Variants in PDE10A observed in about 807,000 individuals in gnomAD.
PDE10A encodes cAMP and cAMP-inhibited cGMP 3',5'-cyclic phosphodiesterase 10A.
In PDE10A, 39 loss-of-function variants were observed where a neutral mutation model predicts 97.7. That is an observed-to-expected ratio of 0.40 (90% confidence interval 0.31 to 0.52). PDE10A has a LOEUF of 0.52. Ranked by LOEUF, PDE10A falls within the 20% of genes least tolerant of loss-of-function variation. The probability of loss-of-function intolerance (pLI) is 0.56; values close to 1 mark genes in which losing one functional copy is unlikely to be tolerated. For synonymous variants in PDE10A, 371 were observed against 376.8 expected (o/e 0.98, Z 0.18); for missense variants, 731 against 1,047.8 (o/e 0.70, Z 4.17).
intron 1 of PDE10A, among the ~76,000 whole-genome samples, chr6:165,970,101 C>T (rs1279985999): frequency 1.3e-5 from 2 of 152,148 alleles, no homozygotes; most frequent in African/African-American, 2.4e-5. Context: ...TTCGATCTAA[C>T]CATGAGTATA....
intron 1 of PDE10A, among the ~76,000 whole-genome samples, chr6:165,946,576 G>A (rs1185182052): frequency 1.3e-5 from 2 of 151,966 alleles, no homozygotes; most frequent in Non-Finnish European, 2.9e-5. Flanking sequence ...TAGAATTTAA[G>A]TGTTCTCACC....
At chr6:165,363,168 G>A (rs896141670) in intron 18 of PDE10A, among the ~76,000 whole-genome samples, 1 of 152,106 alleles carries the variant, frequency 6.6e-6, no homozygotes, top group Non-Finnish European at 1.5e-5. Context: ...ACAAGAAAAG[G>A]ATGTCTTCTC....
At chr6:165,775,787 T>G (rs1053542534) in intron 1 of PDE10A, 1 of 152,228 alleles carries the variant, frequency 6.6e-6, no homozygotes, top group Non-Finnish European at 1.5e-5. Flanking sequence ...AGCCAGTTAT[T>G]AAAGTACACC....
chr6:165,433,399 C>T (rs220826), intron 6 of PDE10A, among the ~76,000 whole-genome samples: 116,273 of 152,124 alleles, frequency 0.76, 44,830 homozygotes, highest in Middle Eastern at 0.89. Flanking sequence ...TTTCATATGA[C>T]AATAAAAAAA....
intron 1 of PDE10A, among the ~76,000 whole-genome samples, chr6:165,589,651 G>A (rs1297275235): frequency 3.3e-5 from 5 of 151,906 alleles, no homozygotes. Flanking sequence ...TTGAATGGAT[G>A]GAAAGAAGGA....
intron 2 of PDE10A, among the ~76,000 whole-genome samples, chr6:165,485,594 CTTT>C (rs761374906): frequency 2.9e-5 from 4 of 139,076 alleles, no homozygotes; most frequent in Non-Finnish European, 3.2e-5. Flanking sequence ...TGACAGCATC[CTTT>C]TTTTTTTTTT....
intron 1 of PDE10A, among the ~76,000 whole-genome samples, chr6:165,907,641 C>T (rs952911336): frequency 6.6e-6 from 1 of 152,216 alleles, no homozygotes; most frequent in Non-Finnish European, 1.5e-5. Flanking sequence ...ACCTGAGTGC[C>T]ATCGTGGTTT....
chr6:165,452,147 T>G (rs1791342192), intron 3 of PDE10A, among the ~76,000 whole-genome samples: 1 of 152,212 alleles, frequency 6.6e-6, no homozygotes, highest in Non-Finnish European at 1.5e-5. Context: ...CTGGCTCTGG[T>G]GCAGGCCAGG....
At chr6:165,549,606 G>A (rs574699452) in intron 1 of PDE10A, among the ~76,000 whole-genome samples, 87 of 152,270 alleles carry the variant, frequency 5.7e-4, no homozygotes, top group African/African-American at 1.9e-3. Context: ...TCACAGACGT[G>A]AGCCACCATG....
At chr6:165,922,511 G>T (rs1306077624) in intron 1 of PDE10A, among the ~76,000 whole-genome samples, 1 of 152,190 alleles carries the variant, frequency 6.6e-6, no homozygotes, top group Non-Finnish European at 1.5e-5. Context: ...TTTGATAGTT[G>T]AGATATTCAT....
At chr6:165,769,704 C>T (rs1420975563) in intron 1 of PDE10A, among the ~76,000 whole-genome samples, 1 of 151,936 alleles carries the variant, frequency 6.6e-6, no homozygotes, top group Non-Finnish European at 1.5e-5. Flanking sequence ...CAAAATTGCC[C>T]GCGAACAAAG....
Position 165,614,299 on chromosome 6 carries a change from T to C in PDE10A, c.865+47648A>G, listed in dbSNP as rs565390843. ...AATCTTTAGTCAATCCTCACCATTT[T>C]TGGATAAAGTCAAAACTGTTAATAT... On this transcript the variant is annotated intron_variant, in intron 1 of 21. Transcript: ENST00000539869. Among the ~76,000 whole-genome samples the C allele has an allele frequency of 1.5e-3, 233 of 152,310 alleles. 1 individual carries two copies. The highest frequency in any genetic ancestry group is 5.3e-3 in the African/African-American group (222 of 41,566).
intron 10 of PDE10A, among the ~76,000 whole-genome samples, chr6:165,427,677 A>G (rs1789262797): frequency 6.6e-6 from 1 of 152,158 alleles, no homozygotes; most frequent in African/African-American, 2.4e-5. Flanking sequence ...TGTTTTTAAA[A>G]GAACATATTA....
chr6:165,816,429 A>T (rs1583136354), intron 1 of PDE10A, among the ~76,000 whole-genome samples: 1 of 152,206 alleles, frequency 6.6e-6, no homozygotes, highest in East Asian at 1.9e-4. Flanking sequence ...ATGAAGCCTG[A>T]TGTCTGTTGA....
chr6:165,806,656 C>T (rs191862837), intron 1 of PDE10A, among the ~76,000 whole-genome samples: 4 of 151,430 alleles, frequency 2.6e-5, no homozygotes, highest in African/African-American at 7.3e-5. Flanking sequence ...AGCGCCCCCC[C>T]CCAGGCTCTT....
intron 1 of PDE10A, among the ~76,000 whole-genome samples, chr6:165,984,526 A>G (rs1277559604): frequency 2.0e-5 from 3 of 152,264 alleles, no homozygotes; most frequent in East Asian, 1.9e-4. Context: ...GCTCTTAACC[A>G]AAAGAAAAGC....
At chr6:165,542,657 T>C (rs182201468) in intron 2 of PDE10A, among the ~76,000 whole-genome samples, 2,040 of 146,298 alleles carry the variant, frequency 0.014, 50 homozygotes, top group African/African-American at 0.05. Context: ...CTTGCTCTGT[T>C]GCCCAGGCTG....
chr6:165,690,653 C>A (rs976517627), intron 1 of PDE10A, among the ~76,000 whole-genome samples: 2 of 152,208 alleles, frequency 1.3e-5, no homozygotes, highest in Non-Finnish European at 2.9e-5. Flanking sequence ...GCAGACTCCC[C>A]AGTGCACAGA....
At chr6:165,379,930 G>C (rs1784833860) in intron 17 of PDE10A, among the ~76,000 whole-genome samples, 1 of 152,054 alleles carries the variant, frequency 6.6e-6, no homozygotes, top group Admixed American at 6.5e-5. Context: ...CTAAGGGCAA[G>C]AGTACCTTTC....
Sources: gnomAD v4.1 joint callset for allele counts (sites outside exome capture counted in the v4.1 genomes callset) on GRCh38, gnomAD v4.1.1 for gene constraint, MANE v1.5 for transcripts, NCBI Gene and HGNC (gene_info 2026-07-23, HGNC 2026-07-21) for gene names.